BDNF: variants seen among roughly 807,000 people sequenced by gnomAD.
BDNF encodes the protein brain derived neurotrophic factor, also known as neurotrophic factor BDNF precursor form.
BDNF carries 1 observed loss-of-function variant against 19.5 expected under a neutral mutation model. That is an observed-to-expected ratio of 0.05 (90% CI 0.02 to 0.24). The LOEUF (loss-of-function observed/expected upper bound fraction) is 0.24. BDNF is among the 10% of genes least tolerant of loss of function. BDNF has a pLI of 1.00. For missense variants in BDNF, 195 were observed against 317.6 expected (o/e 0.61, Z 2.93); for synonymous variants, 100 against 121.6 (o/e 0.82, Z 1.17).
intron 1 of BDNF, chr11:27,720,229 A>T: frequency 1.4e-6 from 1 of 718,298 alleles, no homozygotes; most frequent in Non-Finnish European, 1.7e-6. Context: ...ACCAAGAAAC[A>T]ACCCCCTCTC....
intron 1 of BDNF, among the ~76,000 whole-genome samples, chr11:27,691,533 A>G (rs1858289126): frequency 1.3e-5 from 2 of 152,234 alleles, no homozygotes; most frequent in Admixed American, 1.3e-4. Context: ...TATAAACTAT[A>G]TGATATCCTA....
At chr11:27,677,662 G>A (rs921364340) in intron 1 of BDNF, 1 of 152,240 alleles carries the variant, frequency 6.6e-6, no homozygotes, top group Admixed American at 6.5e-5. Flanking sequence ...TAGATGGTAT[G>A]TATTGGGGGA....
In BDNF at chr11:27,691,538, A is replaced by T. The variant is rs536755484; in HGVS notation, c.-22+8626T>A. 5.5e-4 allele frequency among the ~76,000 whole-genome samples: 83 copies of T among 152,252 alleles called. 1 individual carries two copies. Among genetic ancestry groups the T allele is most frequent in the Non-Finnish European group, 9.1e-4 (62 of 68,036 alleles). On this transcript the variant is annotated intron_variant, in intron 1 of 1. Transcript: ENST00000356660. Reference sequence around the variant, plus strand: ...ACATACAAACTATAAACTATATGATATCCTAAAGGAGATGTAAATATTAAA... The same window carrying T: ...ACATACAAACTATAAACTATATGATTTCCTAAAGGAGATGTAAATATTAAA...
intron 1 of BDNF, among the ~76,000 whole-genome samples, chr11:27,709,111 G>A (rs909657449): frequency 1.3e-5 from 2 of 152,158 alleles, no homozygotes; most frequent in Admixed American, 6.5e-5. Flanking sequence ...TTACAGGCAT[G>A]AGCCACCGCG....
chr11:27,657,902 A>G lies in BDNF; in HGVS notation c.663T>C (p.Asp221=), dbSNP rs767047030. ...TQSYVRALTM[D]SKKRIGWRFI... is the part of the protein sequence containing the mutation. ...ATCGCCAGCCAATTCTCTTTTTGCT[A>G]TCCATGGTAAGGGCCCGCACGTACG... The change falls in exon 2 of 2, where the codon GAT becomes GAC. Residue 221 remains aspartate (D), a synonymous_variant. Coordinates refer to ENST00000356660, the MANE Select transcript of BDNF (RefSeq NM_001709.5). This position sits in a 1 kb window ranked among gnomAD's most constrained non-coding sequence, Gnocchi z 5.0. 2 of 1,614,154 alleles carry G rather than the reference A, an allele frequency of 1.2e-6. No individual in the cohort carries two copies. The highest frequency in any genetic ancestry group is 1.7e-6 in the Non-Finnish European group (2 of 1,180,028).
chr11:27,717,706 T>C (rs1016686643), intron 1 of BDNF, among the ~76,000 whole-genome samples: 1 of 152,238 alleles, frequency 6.6e-6, no homozygotes, highest in Non-Finnish European at 1.5e-5. Flanking sequence ...TCTAGTCTTC[T>C]GACTGATTCC....
intron 1 of BDNF, among the ~76,000 whole-genome samples, chr11:27,708,329 A>G (rs1860191569): frequency 6.6e-6 from 1 of 152,212 alleles, no homozygotes; most frequent in Non-Finnish European, 1.5e-5. Context: ...CCAAATTTCC[A>G]TTACCTTCCA....
chr11:27,673,248 C>CAA (rs376465673), intron 1 of BDNF, among the ~76,000 whole-genome samples: 44 of 66,206 alleles, frequency 6.6e-4, no homozygotes, highest in African/African-American at 1.4e-3. Context: ...ATGCTGTGTA[C>CAA]AAAAAAAAAA....
chr11:27,678,022 G>A (rs1187099298), intron 1 of BDNF, among the ~76,000 whole-genome samples: 3 of 152,220 alleles, frequency 2.0e-5, no homozygotes, highest in East Asian at 1.9e-4. Context: ...CCCTGGGACC[G>A]GGGGCTGAAG....
Position 27,658,513 on chromosome 11 carries a change from C to G in BDNF, c.52G>C (p.Ala18Pro). ...ATGTTTGCTTCTTTCATGGGGGCAG[C>G]CTTCATGCAACCAAAGTATGAAATA... ...MVISYFGCMKAAPMKEANIRG... is the reference protein window; with the variant it reads ...MVISYFGCMKPAPMKEANIRG... Residue 18 changes from alanine (A) to proline (P), a missense_variant, in exon 2 of 2, where the codon GCT (alanine) becomes CCT (proline). By Grantham distance (27) the Ala-to-Pro change is conservative. Transcript: ENST00000356660. This position sits in a 1 kb window ranked among gnomAD's most constrained non-coding sequence, Gnocchi z 5.7. 6.2e-7 allele frequency: 1 copy of G among 1,614,158 alleles called. No individual in the cohort carries two copies. Among genetic ancestry groups the G allele is most frequent in the Non-Finnish European group, 8.5e-7 (1 of 1,180,040 alleles).
At chr11:27,684,780 G>A (rs1371132990) in intron 1 of BDNF, among the ~76,000 whole-genome samples, 3 of 152,144 alleles carry the variant, frequency 2.0e-5, no homozygotes, top group Admixed American at 6.5e-5. Context: ...GCTTTTTGAT[G>A]TGCTGCTGGA....
chr11:27,660,101 G>A, intron 1 of BDNF: 5 of 797,652 alleles, frequency 6.3e-6, no homozygotes, highest in Non-Finnish European at 8.1e-6. Flanking sequence ...AAATAAGTAG[G>A]AAAAGGAACT....
chr11:27,663,493 TTTACTC>T (rs1393914156), intron 1 of BDNF, among the ~76,000 whole-genome samples: 4 of 152,364 alleles, frequency 2.6e-5, no homozygotes, highest in South Asian at 2.1e-4. Context: ...AACATGCTCT[TTTACTC>T]TTGCTGTAGT....
At chr11:27,686,046 C>G (rs1287844288) in intron 1 of BDNF, among the ~76,000 whole-genome samples, 3 of 152,122 alleles carry the variant, frequency 2.0e-5, no homozygotes, top group Admixed American at 2.0e-4. Flanking sequence ...CTTTGTGGGT[C>G]TCTAAGAACT....
At chr11:27,706,606 C>G (rs1860122650) in intron 1 of BDNF, among the ~76,000 whole-genome samples, 1 of 152,194 alleles carries the variant, frequency 6.6e-6, no homozygotes, top group Non-Finnish European at 1.5e-5. Flanking sequence ...CAACTTTCAA[C>G]CCATTAATCA....
At chr11:27,703,188 C>T (rs942636900), upstream of BDNF, among the ~76,000 whole-genome samples, 2 of 152,006 alleles carry the variant, frequency 1.3e-5, no homozygotes, top group East Asian at 3.9e-4. Context: ...AGCTGGATAC[C>T]GCTACCCCAC....
At position 27,658,918 on chromosome 11, in the gene BDNF, C is replaced by G. The variant is rs1304844452; in HGVS notation, c.-21-333G>C. Reference sequence around the variant, plus strand: ...TTGTAAGTTTAATTTTTAATGATCTCTGCTCATGCTGTCACGAGAAACACA... The same window carrying G: ...TTGTAAGTTTAATTTTTAATGATCTGTGCTCATGCTGTCACGAGAAACACA... On this transcript the variant is annotated intron_variant, in intron 1 of 1. Coordinates refer to ENST00000356660, the MANE Select transcript of BDNF (RefSeq NM_001709.5). This position sits in a 1 kb window ranked among gnomAD's most constrained non-coding sequence, Gnocchi z 5.7. The G allele has an allele frequency of 1.7e-6, 2 of 1,180,460 alleles. No individual in the cohort carries two copies. Among genetic ancestry groups the G allele is most frequent in the Non-Finnish European group, 2.1e-6 (2 of 940,482 alleles). 73.1% of individuals were successfully genotyped at this position (1,180,460 alleles called of 1,614,324 possible). A position where few individuals can be genotyped will look rare whatever the true frequency, so the allele number is the denominator to read the frequency against.
At chr11:27,670,463 T>A (rs541571039) in intron 1 of BDNF, among the ~76,000 whole-genome samples, 1 of 151,924 alleles carries the variant, frequency 6.6e-6, no homozygotes, top group Admixed American at 6.6e-5. Flanking sequence ...ACCATCAGAG[T>A]GAATAGGAAA....
upstream of BDNF, chr11:27,701,493 A>G: frequency 3.0e-6 from 3 of 989,344 alleles, no homozygotes; most frequent in Non-Finnish European, 3.6e-6. Context: ...GATAGTGGAA[A>G]TTGCATGGCG....
Sources: gnomAD v4.1 joint callset for allele counts (sites outside exome capture counted in the v4.1 genomes callset) on GRCh38, gnomAD v4.1.1 for gene constraint, Gnocchi (gnomAD v3.1) non-coding constraint, MANE v1.5 for transcripts, NCBI Gene and HGNC (gene_info 2026-07-23, HGNC 2026-07-21) for gene names.